The following PRICKLE1 variants were observed in gnomAD, a reference collection of about 807,000 sequenced individuals.
PRICKLE1 encodes prickle-like protein 1.
In PRICKLE1, 14 loss-of-function variants were observed where a neutral mutation model predicts 70.2. That is an observed-to-expected ratio of 0.20 (90% CI 0.13 to 0.31). PRICKLE1 has a LOEUF of 0.31. Among genes scored for constraint, PRICKLE1 ranks in the 10% least tolerant of loss-of-function variants. The pLI, the probability that PRICKLE1 is intolerant of heterozygous loss-of-function variation, is 1.00. For synonymous variants in PRICKLE1, 357 were observed against 379.9 expected (o/e 0.94, Z 0.70); for missense variants, 821 against 1,026.2 (o/e 0.80, Z 2.73).
chr12:42,531,338 G>A (rs985654505), intron 1 of PRICKLE1, among the ~76,000 whole-genome samples: 11 of 152,152 alleles, frequency 7.2e-5, no homozygotes, highest in Non-Finnish European at 1.6e-4. Context: ...GAGCCACCGC[G>A]CCTGGCCAAG....
chr12:42,515,075 C>T (rs571638869), intron 1 of PRICKLE1, among the ~76,000 whole-genome samples: 5 of 151,832 alleles, frequency 3.3e-5, no homozygotes, highest in African/African-American at 7.3e-5. Flanking sequence ...CAAGCCACCA[C>T]GCCTGACTAA....
chr12:42,469,659 T>C, intron 3 of PRICKLE1, 72 bp from the exon 4 acceptor site: 6 of 1,598,804 alleles, frequency 3.8e-6, no homozygotes, highest in Non-Finnish European at 5.1e-6. Context: ...ACTTCCAGAG[T>C]TAGGGTTTCA....
chr12:42,481,135 G>C (rs1938778052), intron 1 of PRICKLE1, among the ~76,000 whole-genome samples: 1 of 152,132 alleles, frequency 6.6e-6, no homozygotes, highest in Non-Finnish European at 1.5e-5. Context: ...AACTCAGAAG[G>C]GGAGTGAGGA....
At chr12:42,573,094 G>A (rs1388061417) in intron 1 of PRICKLE1, among the ~76,000 whole-genome samples, 2 of 152,052 alleles carry the variant, frequency 1.3e-5, no homozygotes, top group African/African-American at 4.8e-5. Context: ...CAAACTTAGC[G>A]GTTTCTGATC....
intron 1 of PRICKLE1, among the ~76,000 whole-genome samples, chr12:42,578,381 T>TA (rs1259549575): frequency 6.6e-6 from 1 of 151,888 alleles, no homozygotes; most frequent in Non-Finnish European, 1.5e-5. Context: ...ATTCTACCTC[T>TA]ATTTTTTTTT....
chr12:42,506,242 TTC>T (rs1593144194), intron 1 of PRICKLE1, among the ~76,000 whole-genome samples: 1 of 117,948 alleles, frequency 8.5e-6, no homozygotes, highest in Non-Finnish European at 1.6e-5. Flanking sequence ...GTAAAAAATG[TTC>T]TTTTTTCTTT....
At chr12:42,522,162 G>A (rs977313598) in intron 1 of PRICKLE1, among the ~76,000 whole-genome samples, 2 of 151,916 alleles carry the variant, frequency 1.3e-5, no homozygotes, top group African/African-American at 2.4e-5. Flanking sequence ...TTTTAGTAGA[G>A]GCGGGGTTTC....
chr12:42,464,264 G>T lies in PRICKLE1; in HGVS notation c.1639+131C>A. The T allele has an allele frequency of 8.9e-7, 1 of 1,127,596 alleles. No homozygotes were observed. Among genetic ancestry groups the T allele is most frequent in the Non-Finnish European group, 1.3e-6 (1 of 749,230 alleles). The allele number at this position is 1,127,596 out of a possible 1,614,324, so 69.8% of individuals were successfully genotyped here. A position where few individuals can be genotyped will look rare whatever the true frequency, so the allele number is the denominator to read the frequency against. On this transcript the variant is annotated intron_variant, in intron 7 of 7. Coordinates refer to ENST00000345127, the MANE Select transcript of PRICKLE1 (RefSeq NM_153026.3). The surrounding 1 kb of genome is among the most constrained non-coding windows in gnomAD (Gnocchi z 4.2). ...TCGAACTCCTGACCTCAAATGATCT[G>T]CCCACCTCAGCCTCCCATAGTGCTG...
intron 1 of PRICKLE1, chr12:42,482,838 G>C (rs1055708953): frequency 2.6e-5 from 4 of 152,450 alleles, no homozygotes; most frequent in Non-Finnish European, 5.9e-5. Context: ...GATGGCTGCA[G>C]GGGGTCCCCT....
In PRICKLE1 at chr12:42,572,366, T is replaced by C. The variant is rs182273366; in HGVS notation, c.-49+17099A>G. On this transcript the variant is annotated intron_variant, in intron 1 of 7. Transcript: ENST00000345127. ...CAGGAGAATCACTTGAACCCAGGAG[T>C]TGGAGGTTGCAGTGAGCCGAGATTG... Among the ~76,000 whole-genome samples the C allele has an allele frequency of 3.7e-3, 551 of 149,784 alleles. 6 individuals are homozygous for C. The highest frequency in any genetic ancestry group is 0.035 in the East Asian group (174 of 5,038).
At chr12:42,551,045 A>G (rs1017541589) in intron 1 of PRICKLE1, among the ~76,000 whole-genome samples, 1 of 152,242 alleles carries the variant, frequency 6.6e-6, no homozygotes, top group African/African-American at 2.4e-5. Context: ...AGCACAAAAA[A>G]GCCTTATTGA....
chr12:42,521,609 G>A (rs557063806), intron 1 of PRICKLE1, among the ~76,000 whole-genome samples: 154 of 152,186 alleles, frequency 1.0e-3, no homozygotes, highest in Admixed American at 2.2e-3. Context: ...CTGAGGTCGG[G>A]GGGATCGCTT....
At chr12:42,475,060 G>A (rs1291323053) in intron 1 of PRICKLE1, among the ~76,000 whole-genome samples, 1 of 152,132 alleles carries the variant, frequency 6.6e-6, no homozygotes, top group Admixed American at 6.5e-5. Flanking sequence ...CCTAATCAAG[G>A]TAAATCAACG....
intron 1 of PRICKLE1, among the ~76,000 whole-genome samples, chr12:42,563,750 T>C (rs1359608133): frequency 6.8e-6 from 1 of 146,790 alleles, no homozygotes; most frequent in African/African-American, 2.5e-5. Context: ...GTGGCATGTA[T>C]CTGCAAGACA....
At chr12:42,477,490 A>AGCG (rs2140140778) in intron 1 of PRICKLE1, among the ~76,000 whole-genome samples, 1 of 10,294 alleles carries the variant, frequency 9.7e-5, no homozygotes, top group South Asian at 2.8e-3. Flanking sequence ...GTGTATATAT[A>AGCG]TATATATATA....
chr12:42,505,003 G>C (rs1321741365), intron 1 of PRICKLE1, among the ~76,000 whole-genome samples: 1 of 152,110 alleles, frequency 6.6e-6, no homozygotes, highest in African/African-American at 2.4e-5. Flanking sequence ...AGCCGAGCGT[G>C]GTGGCGGGCA....
chr12:42,470,383 G>T, intron 2 of PRICKLE1, 24 bp from the exon 3 acceptor site: 9 of 1,418,114 alleles, frequency 6.3e-6, no homozygotes, highest in Non-Finnish European at 8.0e-6. Flanking sequence ...AGTGAGAATG[G>T]CATCAACATA....
At chr12:42,535,989 A>T (rs1940012033) in intron 1 of PRICKLE1, among the ~76,000 whole-genome samples, 1 of 152,188 alleles carries the variant, frequency 6.6e-6, no homozygotes, top group Non-Finnish European at 1.5e-5. Context: ...AGGCTGGTAC[A>T]CTCACATCAT....
At chr12:42,496,450 T>TA (rs1210165870) in intron 1 of PRICKLE1, among the ~76,000 whole-genome samples, 1 of 152,136 alleles carries the variant, frequency 6.6e-6, no homozygotes, top group African/African-American at 2.4e-5. Flanking sequence ...GGCTTTAACT[T>TA]AAAGTCACCA....
Sources: allele counts gnomAD v4.1 joint callset (sites outside exome capture counted in the v4.1 genomes callset), GRCh38; gene constraint gnomAD v4.1.1; non-coding constraint Gnocchi (gnomAD v3.1); transcripts MANE v1.5; gene names NCBI Gene and HGNC (gene_info 2026-07-23, HGNC 2026-07-21).